Variants in ROPN1L observed in about 807,000 individuals in gnomAD.
ROPN1L encodes ropporin-1-like protein.
Under a neutral mutation model 22.7 loss-of-function variants are expected in ROPN1L, and 23 were observed. The ratio of observed to expected loss-of-function variants is 1.01; its 90% CI spans 0.73 to 1.43. ROPN1L has a LOEUF of 1.43. Among genes scored for constraint, ROPN1L ranks in the 40% most tolerant of loss-of-function variants. The pLI is 0.00. For synonymous variants in ROPN1L, 116 were observed against 117.8 expected (o/e 0.98, Z 0.10); for missense variants, 271 against 291.5 (o/e 0.93, Z 0.51).
chr5:10,478,584 AT>A, the ROPN1L span, among the ~76,000 whole-genome samples: 1 of 151,902 alleles, frequency 6.6e-6, no homozygotes, highest in Non-Finnish European at 1.5e-5. Flanking sequence ...CCCTCTTCAC[AT>A]GGTCTTCTCT....
chr5:10,451,959 C>CTATCTATCTATT (rs1243236066), intron 3 of ROPN1L, among the ~76,000 whole-genome samples: 1 of 151,996 alleles, frequency 6.6e-6, no homozygotes, highest in Non-Finnish European at 1.5e-5. Context: ...ATCTGTCTAT[C>CTATCTATCTATT]TATCTAATCT....
downstream of ROPN1L, among the ~76,000 whole-genome samples, chr5:10,472,538 T>G (rs879906328): frequency 1.3e-5 from 2 of 152,140 alleles, no homozygotes; most frequent in Non-Finnish European, 2.9e-5. Flanking sequence ...AGGATATGGG[T>G]CTAGAGTTGT....
At chr5:10,473,246 G>C (rs1021069802), downstream of ROPN1L, among the ~76,000 whole-genome samples, 3 of 152,166 alleles carry the variant, frequency 2.0e-5, no homozygotes, top group Non-Finnish European at 4.4e-5. Flanking sequence ...TTGGAAAAAG[G>C]GTCTTTGTAG....
downstream of ROPN1L, among the ~76,000 whole-genome samples, chr5:10,476,425 G>A (rs574560387): frequency 1.3e-5 from 2 of 152,224 alleles, no homozygotes; most frequent in African/African-American, 2.4e-5. Flanking sequence ...TGAAAAGTAG[G>A]AACGTGGCAG....
Position 10,448,327 on chromosome 5 carries a change from AC to A in ROPN1L, c.202del (p.Gln68ArgfsTer7), listed in dbSNP as rs1215346931. The A allele has an allele frequency of 1.3e-5, 21 of 1,614,220 alleles. No homozygotes were observed. Among genetic ancestry groups the A allele is most frequent in the Non-Finnish European group, 1.8e-5 (21 of 1,180,038 alleles). ...VKDRMEMPTATQKTDTGLTQG... is the reference protein window; with the variant it reads ...VKDRMEMPTAXQKTDTGLTQG... The stretch of plus-strand genomic sequence containing the variant: ...GGACAGAATGGAAATGCCCACGGCA[AC>A]CCAGAAAACAGACACAGGCCTGACT... On this transcript the variant is annotated frameshift_variant, in exon 2 of 5. Transcript: ENST00000274134. LOFTEE classifies it high-confidence loss of function.
downstream of ROPN1L, among the ~76,000 whole-genome samples, chr5:10,475,677 A>C (rs998535532): frequency 2.0e-5 from 3 of 152,218 alleles, no homozygotes; most frequent in African/African-American, 7.2e-5. Flanking sequence ...ACAGGGTAAG[A>C]GACTGGGTTC....
At chr5:10,469,459 C>A (rs1287416869), downstream of ROPN1L, among the ~76,000 whole-genome samples, 2 of 152,150 alleles carry the variant, frequency 1.3e-5, no homozygotes. Context: ...TGCACTCCAG[C>A]CTGGGCGATA....
downstream of ROPN1L, among the ~76,000 whole-genome samples, chr5:10,468,929 G>A (rs1051996151): frequency 3.3e-5 from 5 of 152,250 alleles, no homozygotes; most frequent in African/African-American, 1.2e-4. Flanking sequence ...GCCAAGGTGG[G>A]TGGATTACGA....
intron 3 of ROPN1L, among the ~76,000 whole-genome samples, chr5:10,453,281 C>T (rs1022393647): frequency 3.3e-5 from 5 of 152,002 alleles, no homozygotes; most frequent in Non-Finnish European, 7.4e-5. Context: ...CCCTGGCTCC[C>T]GCGGCCCACA....
chr5:10,472,536 G>A (rs1407617014), downstream of ROPN1L, among the ~76,000 whole-genome samples: 2 of 152,114 alleles, frequency 1.3e-5, no homozygotes, highest in Admixed American at 6.6e-5. Context: ...TTAGGATATG[G>A]GTCTAGAGTT....
At chr5:10,480,989 G>A in the ROPN1L span, among the ~76,000 whole-genome samples, 3 of 152,064 alleles carry the variant, frequency 2.0e-5, no homozygotes, top group Admixed American at 6.6e-5. Flanking sequence ...TGTTTCTTCC[G>A]TCAAACACCA....
intron 4 of ROPN1L, among the ~76,000 whole-genome samples, chr5:10,461,935 G>A (rs1327284451): frequency 3.3e-5 from 5 of 152,164 alleles, no homozygotes; most frequent in Admixed American, 6.5e-5. Flanking sequence ...CTCCCTGCCC[G>A]CAAATGAGCT....
At chr5:10,452,266 A>G (rs1741278696) in intron 3 of ROPN1L, among the ~76,000 whole-genome samples, 1 of 150,352 alleles carries the variant, frequency 6.7e-6, no homozygotes, top group Non-Finnish European at 1.5e-5. Context: ...GGTGTAAGCC[A>G]CTGCACCCAG....
At chr5:10,445,358 G>A (rs534901749) in intron 1 of ROPN1L, among the ~76,000 whole-genome samples, 12 of 152,316 alleles carry the variant, frequency 7.9e-5, no homozygotes, top group Middle Eastern at 3.4e-3. Context: ...TGTTTCAGCT[G>A]TCACAGGACA....
rs1464535741 is a variant in ROPN1L at position 10,448,357 on chromosome 5, G to A, written c.229G>A (p.Gly77Arg). 1 of 1,614,056 alleles carries A rather than the reference G, an allele frequency of 6.2e-7. No homozygotes were observed. The highest frequency in any genetic ancestry group is 1.3e-5 in the African/African-American group (1 of 74,930). The part of the protein sequence containing the change: ...TQKTDTGLTQ[G>R]LLKVLHKQCH... ...GAAAACAGACACAGGCCTGACTCAA[G>A]GACTCCTGAAAGTTTTGCACAAGCA... Residue 77 changes from glycine (G) to arginine (R), a missense_variant, in exon 2 of 5, where the codon GGA (glycine) becomes AGA (arginine). Transcript: ENST00000274134.
In ROPN1L at chr5:10,458,041, A is replaced by G. The variant is rs533274287; in HGVS notation, c.418-3143A>G. ...TCATGTTTGCCAAGCGATGTGGTGT[A>G]AATACTCCCACTGCTGCTGAGTTCA... On this transcript the variant is annotated intron_variant, in intron 3 of 4. Transcript: ENST00000274134. Among the ~76,000 whole-genome samples, 89 of 152,160 alleles carry G rather than the reference A, an allele frequency of 5.8e-4. 2 individuals are homozygous for G. Among genetic ancestry groups the G allele is most frequent in the African/African-American group, 2.0e-3 (85 of 41,498 alleles).
At chr5:10,453,541 G>A (rs1741319020) in intron 3 of ROPN1L, among the ~76,000 whole-genome samples, 2 of 152,204 alleles carry the variant, frequency 1.3e-5, no homozygotes, top group Admixed American at 1.3e-4. Context: ...AGTGCGATGA[G>A]AATAATTTGT....
rs1740912709 is a variant in ROPN1L, at chr5:10,442,360, A to T, written c.131+62A>T. ...ATGCCCAAGCCAGACGAGCCCAGAG[A>T]GCCCTCCTCCCGGACCAGGGGCCTT... On this transcript the variant is annotated intron_variant, in intron 1 of 4. Transcript: ENST00000274134. 2.5e-6 allele frequency: 4 copies of T among 1,590,918 alleles called. No homozygotes were observed. The East Asian group carries it at 9.0e-5, about 36-fold the overall frequency.
rs1159372152 is a variant in ROPN1L at position 10,442,261 on chromosome 5, C to T, written c.94C>T (p.Arg32Cys). ...ILKQFTKAAIRTQPADVLRWS... is the reference protein window; with the variant it reads ...ILKQFTKAAICTQPADVLRWS... ...GAAGCAATTCACCAAGGCTGCCATC[C>T]GCACCCAGCCGGCCGACGTGCTGCG... Residue 32 changes from arginine (R) to cysteine (C), a missense_variant, in exon 1 of 5, where the codon CGC (arginine) becomes TGC (cysteine). By Grantham distance (180) the Arg-to-Cys change is radical. Coordinates refer to ENST00000274134, the MANE Select transcript of ROPN1L (RefSeq NM_031916.5). The T allele has an allele frequency of 4.3e-6, 7 of 1,613,564 alleles. No individual in the cohort carries two copies. The highest frequency in any genetic ancestry group is 5.9e-6 in the Non-Finnish European group (7 of 1,179,902).
Sources: gnomAD v4.1 joint callset for allele counts (sites outside exome capture counted in the v4.1 genomes callset) on GRCh38, gnomAD v4.1.1 for gene constraint, MANE v1.5 for transcripts, NCBI Gene and HGNC (gene_info 2026-07-23, HGNC 2026-07-21) for gene names.